The following HAGH variants were observed in gnomAD, a reference collection of about 807,000 sequenced individuals.
HAGH encodes the protein hydroxyacylglutathione hydrolase, mitochondrial.
A neutral mutation model predicts 35.1 loss-of-function variants in HAGH; 29 were observed. The ratio of observed to expected loss-of-function variants is 0.83; its 90% CI spans 0.62 to 1.13. HAGH has a LOEUF of 1.13. HAGH is among the 50% of genes most tolerant of loss of function. The pLI is 0.00. For missense variants in HAGH, 478 were observed against 419.6 expected (o/e 1.14, Z -1.22); for synonymous variants, 225 against 176.1 (o/e 1.28, Z -2.20).
intron 2 of HAGH, 136 bp from the exon 3 acceptor site, chr16:1,822,500 G>T: frequency 1.4e-6 from 1 of 728,932 alleles, no homozygotes; most frequent in Non-Finnish European, 2.5e-6. Flanking sequence ...GACCCTGCCA[G>T]CTTGCCCTGC....
At chr16:1,825,057 G>A (rs1208569238) in intron 1 of HAGH, among the ~76,000 whole-genome samples, 3 of 152,248 alleles carry the variant, frequency 2.0e-5, no homozygotes, top group Admixed American at 2.0e-4. Flanking sequence ...GGTGGCTCAC[G>A]CCTGTCATCC....
chr16:1,815,192 G>A (rs1177103178), intron 7 of HAGH, among the ~76,000 whole-genome samples: 2 of 152,088 alleles, frequency 1.3e-5, no homozygotes, highest in Non-Finnish European at 1.5e-5. Context: ...TGGAGAGACC[G>A]ACAACACCAA....
At chr16:1,809,664 AT>A (rs1170464856) in intron 8 of HAGH, 89 bp downstream of exon 8, 2 of 960,340 alleles carry the variant, frequency 2.1e-6, no homozygotes, top group African/African-American at 3.2e-5. Flanking sequence ...AGCCTCAGCC[AT>A]CTGGGGTCTC....
intron 3 of HAGH, 75 bp from the exon 4 acceptor site, chr16:1,820,089 C>A (rs1567259950): frequency 7.6e-6 from 6 of 793,680 alleles, no homozygotes; most frequent in East Asian, 4.9e-5. Context: ...GGGCTGCCTG[C>A]TGAGCTGAGG....
rs147193178 is a variant in HAGH, at chr16:1,817,184, C to T, written c.629G>A (p.Arg210Gln). 1.1e-5 allele frequency: 18 copies of T among 1,609,548 alleles called. 1 individual carries two copies. Among genetic ancestry groups the T allele is most frequent in the South Asian group, 9.9e-5 (9 of 90,994 alleles). Residue 210 changes from arginine (R) to glutamine (Q), a missense_variant, in exon 6 of 9, where the codon CGG becomes CAG. Transcript: ENST00000397356. ...MCKALLEVLG[R>Q]LPPDTRVYCG... ...GCTGCCTACTGTGTCCGGGGGGAGC[C>T]GGCCCAAGACCTCCAGCAGAGCTTT...
intron 6 of HAGH, 67 bp downstream of exon 6, chr16:1,817,101 G>A (rs1897934290): frequency 7.4e-7 from 1 of 1,343,304 alleles, no homozygotes; most frequent in Non-Finnish European, 1.1e-6. Context: ...GAGGGTGCCA[G>A]GAGGGAGAGC....
intron 7 of HAGH, among the ~76,000 whole-genome samples, chr16:1,811,366 A>T (rs369409197): frequency 5.3e-5 from 8 of 151,634 alleles, no homozygotes; most frequent in African/African-American, 1.7e-4. Flanking sequence ...GCGAGCCAAG[A>T]CCATGCCACT....
Position 1,809,373 on chromosome 16 carries a change from C to A in HAGH, c.837G>T (p.Thr279=). Residue 279 remains threonine, a synonymous_variant, in exon 9 of 9, where the codon ACG becomes ACT. Coordinates refer to ENST00000397356, the MANE Select transcript of HAGH (RefSeq NM_005326.6). The stretch of plus-strand genomic sequence containing the variant: ...CCGTCTCACCTGCGTGCTGCTGCAC[C>A]GTCTTCTCCCTGCGGAGGCCAGCAC... ...YNPFMRVREK[T]VQQHAGETDP... is the part of the protein sequence containing the mutation. 2.5e-6 allele frequency: 4 copies of A among 1,610,740 alleles called. No individual in the cohort carries two copies. In the South Asian group the frequency reaches 4.4e-5, roughly 18 times the overall value.
At chr16:1,826,519 G>C in intron 1 of HAGH, 193 bp downstream of exon 1, 1 of 965,778 alleles carries the variant, frequency 1.0e-6, no homozygotes, top group Non-Finnish European at 1.2e-6. Context: ...AGCGCTTTCC[G>C]CACCCGCGGC....
intron 1 of HAGH, among the ~76,000 whole-genome samples, chr16:1,823,275 C>CTTT (rs4017982): frequency 4.1e-4 from 58 of 141,706 alleles, no homozygotes; most frequent in Admixed American, 4.9e-4. Context: ...TTTTTTTTTT[C>CTTT]TTTTTTTTTT....
intron 7 of HAGH, chr16:1,812,295 G>C (rs9937991): frequency 0.78 from 117,248 of 151,276 alleles, 45,498 homozygotes; most frequent in Middle Eastern, 0.87. Context: ...CACGAAGTCA[G>C]GAGTTTGAGA....
chr16:1,815,932 A>ATTTTTT (rs61101799), intron 7 of HAGH, among the ~76,000 whole-genome samples: 4 of 102,216 alleles, frequency 3.9e-5, no homozygotes, highest in Admixed American at 1.1e-4. Flanking sequence ...GGCAGGGAGA[A>ATTTTTT]TTTTTTTTTT....
At chr16:1,809,485 C>G (rs750335596) in intron 8 of HAGH, 103 bp from the exon 9 acceptor site, 1 of 917,934 alleles carries the variant, frequency 1.1e-6, no homozygotes, top group Non-Finnish European at 1.7e-6. Context: ...GAGCCCAGCC[C>G]TCAGAGGACA....
At chr16:1,827,181 C>A (rs781246581), upstream of HAGH, 4 of 1,554,314 alleles carry the variant, frequency 2.6e-6, no homozygotes, top group South Asian at 1.2e-5. Flanking sequence ...TCCGGGATGC[C>A]GTAGGCATCA....
chr16:1,812,982 T>G (rs12598216), intron 7 of HAGH, among the ~76,000 whole-genome samples: 19,669 of 152,220 alleles, frequency 0.13, 1,686 homozygotes, highest in South Asian at 0.19. Context: ...AAGGGGAGTT[T>G]GGCAGTTTCT....
chr16:1,816,820 C>G, intron 7 of HAGH, 73 bp downstream of exon 7: 1 of 923,366 alleles, frequency 1.1e-6, no homozygotes, highest in Admixed American at 1.8e-5. Flanking sequence ...TCTACCCACT[C>G]TGGCGACCCC....
chr16:1,817,461 G>A (rs1275611919), intron 5 of HAGH, among the ~76,000 whole-genome samples, 190 bp from the exon 6 acceptor site: 1 of 152,142 alleles, frequency 6.6e-6, no homozygotes, highest in African/African-American at 2.4e-5. Context: ...AGTCTCAGCT[G>A]ACAGTCCAAC....
intron 7 of HAGH, among the ~76,000 whole-genome samples, chr16:1,816,216 A>G (rs543570695): frequency 6.9e-6 from 1 of 145,682 alleles, no homozygotes; most frequent in East Asian, 2.0e-4. Context: ...AAAAAAATTA[A>G]AAAAAAAAAA....
At chr16:1,820,301 G>A (rs1898097442) in intron 3 of HAGH, among the ~76,000 whole-genome samples, 1 of 151,426 alleles carries the variant, frequency 6.6e-6, no homozygotes, top group Non-Finnish European at 1.5e-5. Context: ...GGTCTGGGGC[G>A]TGGCCTGGGG....
Sources: gnomAD v4.1 joint callset for allele counts (sites outside exome capture counted in the v4.1 genomes callset) on GRCh38, gnomAD v4.1.1 for gene constraint, MANE v1.5 for transcripts, NCBI Gene and HGNC (gene_info 2026-07-23, HGNC 2026-07-21) for gene names.